FAM98B: variants seen among roughly 807,000 people sequenced by gnomAD.
FAM98B encodes the protein tRNA-splicing ligase complex subunit FAM98B.
A neutral mutation model predicts 43.9 loss-of-function variants in FAM98B; 32 were observed. The observed-to-expected ratio is 0.73, with a 90% CI of 0.55 to 0.98. The LOEUF (loss-of-function observed/expected upper bound fraction) is 0.98. Ranked by LOEUF, FAM98B falls within the 50% of genes least tolerant of loss-of-function variation. The pLI is 0.00. For synonymous variants in FAM98B, 190 were observed against 174.0 expected, an observed-to-expected ratio of 1.09 and a Z score of -0.72; for missense variants, 514 against 522.9, an observed-to-expected ratio of 0.98 and a Z score of 0.17.
chr15:38,462,959 C>A (rs1438062918), intron 1 of FAM98B, among the ~76,000 whole-genome samples: 1 of 152,058 alleles, frequency 6.6e-6, no homozygotes, highest in Non-Finnish European at 1.5e-5. Context: ...ACTGGCCTAC[C>A]TGAATGGGCT....
intron 6 of FAM98B, among the ~76,000 whole-genome samples, chr15:38,479,957 T>C (rs964328223): frequency 2.5e-4 from 38 of 152,190 alleles, no homozygotes; most frequent in Admixed American, 3.9e-4. Flanking sequence ...TGAACTGTTT[T>C]CATAAGCTTA....
chr15:38,460,032 C>T (rs1367173860), intron 1 of FAM98B, among the ~76,000 whole-genome samples: 1 of 152,104 alleles, frequency 6.6e-6, no homozygotes, highest in Non-Finnish European at 1.5e-5. Context: ...GTAAATTAGG[C>T]CCTGGTTGTA....
intron 1 of FAM98B, chr15:38,459,401 G>T: frequency 5.1e-6 from 2 of 388,440 alleles, no homozygotes; most frequent in East Asian, 7.5e-5. Flanking sequence ...TGGCCATGCT[G>T]GATGCGAAAA....
chr15:38,484,483 T>TTG lies in FAM98B; in HGVS notation c.1126_1127insTG (p.Trp376LeufsTer65). The TTG allele has an allele frequency of 7.5e-6, 1 of 132,468 alleles. No individual in the cohort carries two copies. The highest frequency in any genetic ancestry group is 9.0e-6 in the Non-Finnish European group (1 of 111,034). 8.2% of individuals were successfully genotyped at this position (132,468 alleles called of 1,614,324 possible). On this transcript the variant is annotated frameshift_variant, in exon 8 of 8. Transcript: ENST00000397609. LOFTEE classifies it low-confidence loss of function (END_TRUNC). ...AGGTGGTGGGGGAGGGGGAGGAGGG[T>TTG]GGGGGGGAGGAGGAGGAGGTGGTAG...
chr15:38,478,881 A>G (rs1890243914), intron 6 of FAM98B, among the ~76,000 whole-genome samples: 1 of 152,346 alleles, frequency 6.6e-6, no homozygotes, highest in African/African-American at 2.4e-5. Context: ...CCATTTTCCA[A>G]TATCTCTAAA....
intron 1 of FAM98B, among the ~76,000 whole-genome samples, chr15:38,460,636 T>C (rs1889932785): frequency 6.6e-6 from 1 of 152,198 alleles, no homozygotes. Context: ...CATATTCTTA[T>C]TCGGTTATCT....
rs192093505 is a variant in FAM98B, at chr15:38,461,739, C to T, written c.72-2293C>T. ...TTTAAACATATGCAAAGATACCCTACGTCTTGCTTGTAAGAGAAATGTAGA... is the reference window on the plus strand; with the variant it reads ...TTTAAACATATGCAAAGATACCCTATGTCTTGCTTGTAAGAGAAATGTAGA... On this transcript the variant is annotated intron_variant, in intron 1 of 7. Coordinates refer to ENST00000397609, the MANE Select transcript of FAM98B (RefSeq NM_173611.4). Among the ~76,000 whole-genome samples the T allele has an allele frequency of 5.7e-3, 860 of 152,160 alleles. 6 individuals are homozygous for T. The highest frequency in any genetic ancestry group is 7.3e-3 in the Admixed American group (112 of 15,292).
chr15:38,478,349 C>T (rs943726449), intron 6 of FAM98B, among the ~76,000 whole-genome samples: 1 of 151,714 alleles, frequency 6.6e-6, no homozygotes, highest in African/African-American at 2.4e-5. Context: ...ATATATTTTC[C>T]TTAGACTATG....
intron 3 of FAM98B, among the ~76,000 whole-genome samples, chr15:38,466,231 A>G (rs1259054994): frequency 6.7e-6 from 1 of 149,098 alleles, no homozygotes; most frequent in Non-Finnish European, 1.5e-5. Flanking sequence ...TAGTGGTGAC[A>G]AAAGTATTGG....
chr15:38,470,524 C>G, intron 4 of FAM98B, 119 bp downstream of exon 4: 2 of 931,544 alleles, frequency 2.1e-6, no homozygotes, highest in South Asian at 2.3e-5. Context: ...AAGAGTTTAT[C>G]TTCATATAAA....
Position 38,487,101 on chromosome 15 carries a change from A to G in FAM98B, c.*2442A>G, listed in dbSNP as rs1024152728. 4 of 152,016 alleles carry G rather than the reference A, an allele frequency of 2.6e-5. No homozygotes were observed. Among genetic ancestry groups the G allele is most frequent in the Admixed American group, 6.6e-5 (1 of 15,266 alleles). The allele number at this position is 152,016 out of a possible 1,614,324, so 9.4% of individuals were successfully genotyped here. ...CTTACTGGGAGTTTCTGCCTAAAGT[A>G]GTCATCTTTCCTCTCGACCGTATAA... On this transcript the variant is annotated 3_prime_UTR_variant, in exon 8 of 8. Coordinates refer to ENST00000397609, the MANE Select transcript of FAM98B (RefSeq NM_173611.4).
chr15:38,458,384 T>C (rs1039352928), intron 1 of FAM98B, among the ~76,000 whole-genome samples: 3 of 152,160 alleles, frequency 2.0e-5, no homozygotes, highest in African/African-American at 7.2e-5. Context: ...TCAATAGTCT[T>C]CATCCCTGTA....
At chr15:38,474,365 C>G in intron 6 of FAM98B, 67 bp downstream of exon 6, 1 of 1,070,768 alleles carries the variant, frequency 9.3e-7, no homozygotes. Flanking sequence ...GCTTGCTTGT[C>G]TGTTATGTAA....
intron 6 of FAM98B, among the ~76,000 whole-genome samples, chr15:38,479,316 A>G (rs1019540439): frequency 6.6e-6 from 1 of 152,122 alleles, no homozygotes. Context: ...TAGTCTGTTC[A>G]CTGTGTTGTG....
chr15:38,472,340 A>G (rs934448371), intron 4 of FAM98B, among the ~76,000 whole-genome samples: 4 of 152,008 alleles, frequency 2.6e-5, no homozygotes, highest in Non-Finnish European at 5.9e-5. Context: ...GGTCCATTTT[A>G]AGAAAATAAA....
At chr15:38,455,088 C>T (rs1889827580) in intron 1 of FAM98B, among the ~76,000 whole-genome samples, 1 of 152,182 alleles carries the variant, frequency 6.6e-6, no homozygotes, top group Non-Finnish European at 1.5e-5. Context: ...TTTTATTCCT[C>T]CTCCTCCCCA....
intron 4 of FAM98B, chr15:38,470,800 G>C (rs62002937): frequency 0.011 from 1,784 of 155,666 alleles, 20 homozygotes; most frequent in Non-Finnish European, 0.019. Flanking sequence ...ATTGCAGAGT[G>C]GTTTCTTTGG....
At chr15:38,458,586 T>A (rs796580053) in intron 1 of FAM98B, among the ~76,000 whole-genome samples, 1 of 152,190 alleles carries the variant, frequency 6.6e-6, no homozygotes, top group Non-Finnish European at 1.5e-5. Context: ...GGCATTTGCC[T>A]ACTTGGCATC....
chr15:38,483,998 T>C (rs1007923041), intron 7 of FAM98B, among the ~76,000 whole-genome samples: 1 of 151,974 alleles, frequency 6.6e-6, no homozygotes, highest in Non-Finnish European at 1.5e-5. Flanking sequence ...TGAAACTATA[T>C]ATTAACTACA....
Sources: allele counts gnomAD v4.1 joint callset (sites outside exome capture counted in the v4.1 genomes callset), GRCh38; gene constraint gnomAD v4.1.1; transcripts MANE v1.5; gene names NCBI Gene and HGNC (gene_info 2026-07-23, HGNC 2026-07-21).